The following KDM4C variants were observed in gnomAD, a reference collection of about 807,000 sequenced individuals.
The protein encoded by KDM4C is lysine demethylase 4C.
A neutral mutation model predicts 129.3 loss-of-function variants in KDM4C; 81 were observed. That is an observed-to-expected ratio of 0.63 (90% CI 0.52 to 0.75). The LOEUF is 0.75. KDM4C is among the 30% of genes least tolerant of loss of function. The probability of loss-of-function intolerance (pLI) is 0.00; values close to 1 mark genes in which losing one functional copy is unlikely to be tolerated. For synonymous variants in KDM4C, 573 were observed against 456.1 expected, an observed-to-expected ratio of 1.26 and a Z score of -3.26; for missense variants, 1,457 against 1,304.0, an observed-to-expected ratio of 1.12 and a Z score of -1.81.
chr9:7,174,269 T>C, intron 21 of KDM4C, among the ~76,000 whole-genome samples: 1 of 44,510 alleles, frequency 2.2e-5, no homozygotes, highest in East Asian at 7.5e-4. Context: ...AGATGAAAAA[T>C]GAGGGAAGTT....
chr9:6,779,197 T>G (rs999419509), intron 1 of KDM4C, among the ~76,000 whole-genome samples: 1 of 151,476 alleles, frequency 6.6e-6, no homozygotes, highest in Non-Finnish European at 1.5e-5. Flanking sequence ...CCTGGCAAAT[T>G]CTTTGTATTT....
chr9:6,725,703 TTTCTTTTC>T (rs1230056483), intron 1 of KDM4C, among the ~76,000 whole-genome samples: 16 of 137,942 alleles, frequency 1.2e-4, no homozygotes, highest in Non-Finnish European at 2.0e-4. Context: ...TTTCTTTTCT[TTTCTTTTC>T]TTTTTTTTTT....
intron 17 of KDM4C, among the ~76,000 whole-genome samples, chr9:7,065,510 A>T (rs567332366): frequency 2.6e-4 from 39 of 152,278 alleles, no homozygotes; most frequent in African/African-American, 9.1e-4. Context: ...TATGGTCATG[A>T]AATATTTTTA....
At chr9:6,792,894 A>G in intron 1 of KDM4C, 78 bp from the exon 2 acceptor site, 1 of 1,379,866 alleles carries the variant, frequency 7.2e-7, no homozygotes, top group Non-Finnish European at 1.0e-6. Context: ...CTGCTGGGGG[A>G]GCTGACATAC....
At chr9:6,873,690 C>T (rs1479663510) in intron 5 of KDM4C, among the ~76,000 whole-genome samples, 1 of 152,206 alleles carries the variant, frequency 6.6e-6, no homozygotes, top group Non-Finnish European at 1.5e-5. Flanking sequence ...GACATGCCAA[C>T]ATTCTCCATA....
chr9:6,847,072 C>T (rs4465021), intron 4 of KDM4C, among the ~76,000 whole-genome samples: 63,446 of 151,932 alleles, frequency 0.42, 14,512 homozygotes, highest in East Asian at 0.61. Flanking sequence ...GGATTCAACC[C>T]TGGTTATTTT....
intron 1 of KDM4C, among the ~76,000 whole-genome samples, chr9:6,768,532 A>G (rs1156434873): frequency 1.3e-5 from 2 of 152,176 alleles, no homozygotes; most frequent in African/African-American, 4.8e-5. Context: ...CAGGAAATTA[A>G]CACTGATACA....
chr9:7,021,353 C>T (rs1824821858), intron 15 of KDM4C, among the ~76,000 whole-genome samples: 1 of 151,982 alleles, frequency 6.6e-6, no homozygotes, highest in Admixed American at 6.5e-5. Context: ...CCATGTTGGC[C>T]AGGCTGGTCT....
At chr9:6,887,196 C>A (rs771830435) in intron 6 of KDM4C, among the ~76,000 whole-genome samples, 3 of 152,200 alleles carry the variant, frequency 2.0e-5, no homozygotes, top group Admixed American at 2.0e-4. Context: ...AGCAGTACAT[C>A]AGACATGTTC....
chr9:7,143,303 A>T (rs950390457), intron 19 of KDM4C, among the ~76,000 whole-genome samples: 4 of 152,268 alleles, frequency 2.6e-5, no homozygotes, highest in African/African-American at 9.6e-5. Context: ...TTGAAAAAAG[A>T]TATCACAATT....
chr9:6,882,248 ATTCT>A (rs1356903598), intron 6 of KDM4C, among the ~76,000 whole-genome samples: 1 of 152,228 alleles, frequency 6.6e-6, no homozygotes, highest in Non-Finnish European at 1.5e-5. Context: ...ATGCCATTGC[ATTCT>A]TTCTAATTTT....
At chr9:7,117,873 C>G (rs955515371) in intron 18 of KDM4C, among the ~76,000 whole-genome samples, 1 of 152,210 alleles carries the variant, frequency 6.6e-6, no homozygotes, top group African/African-American at 2.4e-5. Flanking sequence ...TTTAGCTTAG[C>G]AGTGGCCCAC....
At chr9:6,767,284 A>G (rs1486969026) in intron 1 of KDM4C, among the ~76,000 whole-genome samples, 4 of 150,150 alleles carry the variant, frequency 2.7e-5, no homozygotes, top group South Asian at 2.1e-4. Flanking sequence ...GACTACAGGC[A>G]CCCCTCACCT....
At chr9:6,926,972 TGGAG>T (rs1159584682) in intron 8 of KDM4C, among the ~76,000 whole-genome samples, 2 of 152,206 alleles carry the variant, frequency 1.3e-5, no homozygotes, top group Non-Finnish European at 2.9e-5. Flanking sequence ...ATTTATTAGA[TGGAG>T]GGAAAATATA....
At chr9:6,967,727 C>G (rs1461949372) in intron 8 of KDM4C, among the ~76,000 whole-genome samples, 1 of 152,112 alleles carries the variant, frequency 6.6e-6, no homozygotes, top group Non-Finnish European at 1.5e-5. Flanking sequence ...AGAACCATAC[C>G]AGAGCCCTAT....
intron 3 of KDM4C, among the ~76,000 whole-genome samples, chr9:6,810,633 A>G (rs1830971435): frequency 6.6e-6 from 1 of 152,098 alleles, no homozygotes; most frequent in East Asian, 1.9e-4. Context: ...ACACTTTGGG[A>G]GGCTGAGGTT....
chr9:7,101,935 A>G (rs1346466490), intron 17 of KDM4C, among the ~76,000 whole-genome samples: 1 of 152,206 alleles, frequency 6.6e-6, no homozygotes, highest in African/African-American at 2.4e-5. Flanking sequence ...CTGCCATCAC[A>G]TTTCAAATAA....
chr9:6,843,732 T>C (rs886896604), intron 4 of KDM4C, among the ~76,000 whole-genome samples: 1 of 152,234 alleles, frequency 6.6e-6, no homozygotes, highest in African/African-American at 2.4e-5. Flanking sequence ...CTCTTTCAGA[T>C]TGAAATTCTT....
At chr9:6,794,741 C>T (rs1827395370) in intron 2 of KDM4C, among the ~76,000 whole-genome samples, 1 of 151,706 alleles carries the variant, frequency 6.6e-6, no homozygotes, top group African/African-American at 2.4e-5. Context: ...AGATAATATT[C>T]TTAAAAAAAA....
Sources: gnomAD v4.1 joint callset for allele counts (sites outside exome capture counted in the v4.1 genomes callset) on GRCh38, gnomAD v4.1.1 for gene constraint, MANE v1.5 for transcripts, NCBI Gene and HGNC (gene_info 2026-07-23, HGNC 2026-07-21) for gene names.